The following PTPN2 variants were observed in gnomAD, a reference collection of about 807,000 sequenced individuals.
PTPN2 encodes tyrosine-protein phosphatase non-receptor type 2.
PTPN2 carries 19 observed loss-of-function variants against 57.3 expected under a neutral mutation model. That is an observed-to-expected ratio of 0.33 (90% CI 0.23 to 0.49). The LOEUF (loss-of-function observed/expected upper bound fraction) is 0.49. Among genes scored for constraint, PTPN2 ranks in the 20% least tolerant of loss-of-function variants. The probability of loss-of-function intolerance (pLI) is 0.99; values close to 1 mark genes in which losing one functional copy is unlikely to be tolerated. For missense variants in PTPN2, 358 were observed against 501.1 expected, an observed-to-expected ratio of 0.71 and a Z score of 2.73; for synonymous variants, 153 against 164.9, an observed-to-expected ratio of 0.93 and a Z score of 0.55.
intron 7 of PTPN2, among the ~76,000 whole-genome samples, chr18:12,807,605 A>ATATATATATATATATATATATATAT (rs1555660843): frequency 9.0e-6 from 1 of 110,516 alleles, no homozygotes. Flanking sequence ...ATATATATAT[A>ATATATATATATATATATATATATAT]ATATAATACT....
chr18:12,843,134 T>C (rs893551950), intron 2 of PTPN2, among the ~76,000 whole-genome samples: 1 of 152,134 alleles, frequency 6.6e-6, no homozygotes, highest in African/African-American at 2.4e-5. Flanking sequence ...TCTACCAACC[T>C]ACATGATTCC....
At chr18:12,853,587 C>T (rs7238913) in intron 2 of PTPN2, among the ~76,000 whole-genome samples, 3,365 of 152,194 alleles carry the variant, frequency 0.022, 133 homozygotes, top group African/African-American at 0.074. Flanking sequence ...ATACCACTCA[C>T]GGGAAAGAGG....
intron 1 of PTPN2, among the ~76,000 whole-genome samples, chr18:12,877,614 A>C (rs2044532158): frequency 6.6e-6 from 1 of 152,268 alleles, no homozygotes; most frequent in Non-Finnish European, 1.5e-5. Context: ...CGCTGTAAGT[A>C]TGAGAAGAAC....
intron 1 of PTPN2, among the ~76,000 whole-genome samples, chr18:12,874,506 G>A (rs1203657811): frequency 7.9e-6 from 1 of 126,422 alleles, no homozygotes; most frequent in Non-Finnish European, 1.7e-5. Flanking sequence ...CCCTCTGCCC[G>A]GCCAGCCGCC....
chr18:12,874,203 T>TGGG (rs2044384051), intron 1 of PTPN2, among the ~76,000 whole-genome samples: 1 of 127,262 alleles, frequency 7.9e-6, no homozygotes. Flanking sequence ...GGAGGGAGGT[T>TGGG]GGGGGGTCAG....
At chr18:12,844,784 A>G (rs2043160046) in intron 2 of PTPN2, among the ~76,000 whole-genome samples, 1 of 152,202 alleles carries the variant, frequency 6.6e-6, no homozygotes, top group East Asian at 1.9e-4. Context: ...ATTTTAAATG[A>G]ATTGTGCTCT....
intron 1 of PTPN2, among the ~76,000 whole-genome samples, chr18:12,859,829 T>TA (rs148160801): frequency 1.6e-4 from 24 of 150,784 alleles, no homozygotes; most frequent in South Asian, 6.3e-4. Flanking sequence ...TACTTCTCCT[T>TA]AAAAAAAAAA....
At position 12,819,651 on chromosome 18, in the gene PTPN2, T is replaced by TA. The variant is rs149833765; in HGVS notation, c.496-2287dup. On this transcript the variant is annotated intron_variant, in intron 5 of 8. Coordinates refer to ENST00000309660, the MANE Select transcript of PTPN2 (RefSeq NM_002828.4). Reference sequence around the variant, plus strand: ...AAAAGGAATCAATCTTATTGTAGGTTAAAAAAAAAAGGTAAATTAAATTTA... The same window carrying TA: ...AAAAGGAATCAATCTTATTGTAGGTTAAAAAAAAAAAGGTAAATTAAATTTA... Among the ~76,000 whole-genome samples the TA allele has an allele frequency of 4.7e-4, 69 of 147,278 alleles. No individual in the cohort carries two copies. The East Asian group carries it at 5.7e-3, about 12-fold the overall frequency.
chr18:12,822,479 G>A (rs986851385), intron 5 of PTPN2, among the ~76,000 whole-genome samples: 12 of 152,194 alleles, frequency 7.9e-5, no homozygotes, highest in African/African-American at 2.9e-4. Context: ...AAGCCGAGAT[G>A]CAATCTCTTC....
At chr18:12,842,305 T>A (rs2043071050) in intron 2 of PTPN2, among the ~76,000 whole-genome samples, 1 of 152,184 alleles carries the variant, frequency 6.6e-6, no homozygotes, top group Non-Finnish European at 1.5e-5. Flanking sequence ...AAGATTTAAC[T>A]TTCATCACAT....
chr18:12,869,613 T>A (rs1390120126), intron 1 of PTPN2, among the ~76,000 whole-genome samples: 1 of 152,250 alleles, frequency 6.6e-6, no homozygotes, highest in African/African-American at 2.4e-5. Context: ...CAGAAAACAT[T>A]ACATCGTTAG....
At chr18:12,874,020 C>A (rs1035534069) in intron 1 of PTPN2, among the ~76,000 whole-genome samples, 2 of 151,854 alleles carry the variant, frequency 1.3e-5, no homozygotes, top group African/African-American at 4.8e-5. Flanking sequence ...GGCAACCGCC[C>A]CGTCTGAGAA....
intron 3 of PTPN2, 22 bp downstream of exon 3, chr18:12,836,769 T>C (rs1414271313): frequency 7.1e-6 from 10 of 1,415,688 alleles, no homozygotes; most frequent in Non-Finnish European, 7.0e-6. Context: ...TTCAGACATT[T>C]GCGTGGTATC....
intron 7 of PTPN2, among the ~76,000 whole-genome samples, chr18:12,804,162 G>A (rs905536699): frequency 6.6e-6 from 1 of 151,530 alleles, no homozygotes. Flanking sequence ...AGTGGTGGTG[G>A]GCACCTGTAA....
At chr18:12,827,790 A>G (rs937513646) in intron 4 of PTPN2, among the ~76,000 whole-genome samples, 2 of 152,198 alleles carry the variant, frequency 1.3e-5, no homozygotes, top group Admixed American at 1.3e-4. Flanking sequence ...CAACATACGT[A>G]TAATAGGAAG....
chr18:12,874,051 G>A (rs2044376145), intron 1 of PTPN2, among the ~76,000 whole-genome samples: 1 of 150,576 alleles, frequency 6.6e-6, no homozygotes, highest in Admixed American at 6.6e-5. Context: ...CCTCCGCCCG[G>A]CAGCCGCCCC....
At chr18:12,868,822 T>C (rs1246770899) in intron 1 of PTPN2, among the ~76,000 whole-genome samples, 1 of 151,150 alleles carries the variant, frequency 6.6e-6, no homozygotes, top group Non-Finnish European at 1.5e-5. Flanking sequence ...TTTTAACAAG[T>C]GAAGCTATAA....
intron 2 of PTPN2, among the ~76,000 whole-genome samples, chr18:12,848,421 T>C (rs1167838718): frequency 1.3e-5 from 2 of 152,238 alleles, no homozygotes; most frequent in African/African-American, 4.8e-5. Context: ...TACCCTCTCC[T>C]TGAACATGCA....
chr18:12,866,398 A>G (rs991733564), intron 1 of PTPN2, among the ~76,000 whole-genome samples: 1 of 152,122 alleles, frequency 6.6e-6, no homozygotes, highest in Non-Finnish European at 1.5e-5. Context: ...AGATTGCACC[A>G]CTGCACTCCA....
Sources: allele counts gnomAD v4.1 joint callset (sites outside exome capture counted in the v4.1 genomes callset), GRCh38; gene constraint gnomAD v4.1.1; transcripts MANE v1.5; gene names NCBI Gene and HGNC (gene_info 2026-07-23, HGNC 2026-07-21).